PCNT: variants seen among roughly 807,000 people sequenced by gnomAD.
PCNT encodes the protein kendrin.
In PCNT, 319 loss-of-function variants were observed where a neutral mutation model predicts 380.4. The ratio of observed to expected loss-of-function variants is 0.84; its 90% CI spans 0.77 to 0.92. The LOEUF is 0.92. Ranked by LOEUF, PCNT falls within the 40% of genes least tolerant of loss-of-function variation. The pLI is 0.00. For missense variants in PCNT, 4,400 were observed against 4,255.3 expected (o/e 1.03, Z -0.95); for synonymous variants, 1,845 against 1,735.2 (o/e 1.06, Z -1.57).
intron 27 of PCNT, among the ~76,000 whole-genome samples, chr21:46,406,136 G>T (rs960778932): frequency 6.6e-6 from 1 of 152,190 alleles, no homozygotes; most frequent in African/African-American, 2.4e-5. Context: ...TTTTACACTT[G>T]TGGGGAAACG....
At chr21:46,428,337 G>A (rs1438291925) in intron 34 of PCNT, 58 bp from the exon 35 acceptor site, 4 of 1,516,774 alleles carry the variant, frequency 2.6e-6, no homozygotes, top group African/African-American at 2.7e-5. Flanking sequence ...CAGCAGGGAA[G>A]GCCGGGGCAT....
chr21:46,324,644 T>G (rs1307179477), intron 1 of PCNT, among the ~76,000 whole-genome samples: 3 of 150,722 alleles, frequency 2.0e-5, no homozygotes, highest in Admixed American at 2.0e-4. Context: ...GGGCGTGGCG[T>G]GGCTGCACGG....
chr21:46,412,093 A>C (rs1339189742), intron 28 of PCNT, 26 bp downstream of exon 28: 1 of 1,598,014 alleles, frequency 6.3e-7, no homozygotes, highest in African/African-American at 1.3e-5. Flanking sequence ...GGGCCATGGC[A>C]GGGTATTTTT....
At chr21:46,360,213 ATTTTTTTTTTTTT>A (rs71318070) in intron 13 of PCNT, among the ~76,000 whole-genome samples, 2 of 82,474 alleles carry the variant, frequency 2.4e-5, no homozygotes, top group African/African-American at 1.0e-4. Context: ...ATAGTTGGCA[ATTTTTTTTTTTTT>A]TTTTTTTTTT....
At position 46,440,148 on chromosome 21, in the gene PCNT, C is replaced by T; in HGVS notation, c.9339C>T (p.Asp3113=). The part of the protein sequence containing the change: ...TAPQSSLRRP[D]PGRLPPAASE... Reference sequence around the variant, plus strand: ...CACAGAGTTCCCTGAGGCGCCCAGACCCCGGCCGGCTTCCACCAGCTGCCA... The same window carrying T: ...CACAGAGTTCCCTGAGGCGCCCAGATCCCGGCCGGCTTCCACCAGCTGCCA... The change falls in exon 42 of 47, where the codon GAC becomes GAT. Residue 3113 remains aspartate (D), a synonymous_variant. Transcript: ENST00000359568. 6.2e-7 allele frequency: 1 copy of T among 1,614,162 alleles called. No individual in the cohort carries two copies. Among genetic ancestry groups the T allele is most frequent in the Non-Finnish European group, 8.5e-7 (1 of 1,180,022 alleles).
At chr21:46,359,204 T>C (rs146108636) in intron 13 of PCNT, among the ~76,000 whole-genome samples, 11,963 of 135,734 alleles carry the variant, frequency 0.088, 845 homozygotes, top group Non-Finnish European at 0.11. Context: ...CTGCCCGCCT[T>C]GGCCTCCCAA....
intron 16 of PCNT, among the ~76,000 whole-genome samples, chr21:46,384,457 C>A (rs547677421): frequency 6.8e-6 from 1 of 146,868 alleles, no homozygotes; most frequent in African/African-American, 2.5e-5. Context: ...AGCGCATTCA[C>A]GGTGTTGTGC....
chr21:46,397,600 A>T (rs1276362632), intron 22 of PCNT, 106 bp downstream of exon 22: 2 of 943,512 alleles, frequency 2.1e-6, no homozygotes, highest in African/African-American at 3.2e-5. Context: ...GATGTTGAAG[A>T]GGGCGCCCCA....
intron 44 of PCNT, among the ~76,000 whole-genome samples, chr21:46,443,412 A>C (rs1428083467): frequency 6.6e-6 from 1 of 152,182 alleles, no homozygotes; most frequent in African/African-American, 2.4e-5. Context: ...ACATTTTAAT[A>C]GTTGCTTCTT....
Position 46,366,761 on chromosome 21 carries a change from G to A in PCNT, c.2787G>A (p.Glu929=), listed in dbSNP as rs756994851. 9 of 1,613,620 alleles carry A rather than the reference G, an allele frequency of 5.6e-6. No individual in the cohort carries two copies. The East Asian group carries it at 2.0e-4, about 36-fold the overall frequency. Residue 929 remains glutamate (E), a synonymous_variant, in exon 15 of 47, where the codon GAG becomes GAA. Transcript: ENST00000359568. ...CCAGACACCAGGCCGCGTTGGGCGA[G>A]CTGACAGCCTCCTTAGAGAGCAAGC... ...LEARHQAALG[E]LTASLESKQG...
chr21:46,381,629 G>A lies in PCNT; in HGVS notation c.3166-65G>A, dbSNP rs760445605. 1.0e-3 allele frequency: 1,546 copies of A among 1,489,720 alleles called. 19 individuals carry two copies. The highest frequency in any genetic ancestry group is 2.1e-4 in the Non-Finnish European group (224 of 1,068,798). The allele number at this position is 1,489,720 out of a possible 1,614,324, so 92.3% of individuals were successfully genotyped here. On this transcript the variant is annotated intron_variant, in intron 15 of 46. Transcript: ENST00000359568. ...ATATCTGCTGAATGTGCTGAATTCC[G>A]GCTAACAGCAAAGAAAGTATTTTTC...
intron 30 of PCNT, among the ~76,000 whole-genome samples, chr21:46,417,603 A>G (rs1474565963): frequency 6.6e-6 from 1 of 152,196 alleles, no homozygotes; most frequent in Non-Finnish European, 1.5e-5. Flanking sequence ...TATCTTGAGT[A>G]AGATAAAATT....
rs2839217 is a variant in PCNT, at chr21:46,346,736, G to A, written c.721-7G>A. 579,460 of 1,591,548 alleles carry A rather than the reference G, an allele frequency of 0.36. 107,725 individuals carry two copies. The highest frequency in any genetic ancestry group is 0.41 in the East Asian group (18,295 of 44,138). On this transcript the variant is annotated splice_polypyrimidine_tract_variant and splice_region_variant and intron_variant, in intron 4 of 46. Coordinates refer to ENST00000359568, the MANE Select transcript of PCNT (RefSeq NM_006031.6). ...GGCCCTTATCAGAGGCCTTTTCTCC[G>A]CCGCAGGCCGTGCATGGCCTTGAGC...
At chr21:46,390,570 G>A (rs201032229) in intron 19 of PCNT, 100 bp from the exon 20 acceptor site, 2 of 1,263,594 alleles carry the variant, frequency 1.6e-6, no homozygotes, top group East Asian at 4.9e-5. Flanking sequence ...GGTGGTGACG[G>A]CCTGAAGGGT....
intron 15 of PCNT, among the ~76,000 whole-genome samples, chr21:46,375,219 C>T (rs147690440): frequency 2.6e-5 from 4 of 152,302 alleles, no homozygotes; most frequent in Non-Finnish European, 4.4e-5. Context: ...AGAAGTGAAT[C>T]GCATGCGGCC....
At chr21:46,347,631 G>A in intron 6 of PCNT, 119 bp downstream of exon 6, 2 of 887,522 alleles carry the variant, frequency 2.3e-6, no homozygotes, top group Non-Finnish European at 3.8e-6. Context: ...GGCTTTATTA[G>A]AATATGCTGG....
At chr21:46,445,233 ATC>A in intron 46 of PCNT, 49 bp from the exon 47 acceptor site, 1 of 1,283,742 alleles carries the variant, frequency 7.8e-7, no homozygotes, top group Non-Finnish European at 1.1e-6. Flanking sequence ...TTTTCAAAAA[ATC>A]TGTGAAGCCT....
intron 2 of PCNT, among the ~76,000 whole-genome samples, chr21:46,332,960 A>G (rs1409666115): frequency 6.6e-6 from 1 of 152,190 alleles, no homozygotes; most frequent in Non-Finnish European, 1.5e-5. Flanking sequence ...AAAAAAATAA[A>G]AAATAAGCTG....
Position 46,432,073 on chromosome 21 carries a change from G to A in PCNT, c.8609G>A (p.Trp2870Ter). The A allele has an allele frequency of 1.2e-6, 2 of 1,614,114 alleles. No individual in the cohort carries two copies. The highest frequency in any genetic ancestry group is 1.7e-6 in the Non-Finnish European group (2 of 1,180,050). ...SLEREREKPA[W>*]LQAELEQSHP... is the part of the protein sequence containing the mutation. ...GAGAGAGAGAGGGAGAAACCAGCGTGGTTGCAGGCAGAATTAGAGCAGTCA... is the reference window on the plus strand; with the variant it reads ...GAGAGAGAGAGGGAGAAACCAGCGTAGTTGCAGGCAGAATTAGAGCAGTCA... The change falls in exon 38 of 47, where the codon TGG becomes TAG. Residue 2870 changes from tryptophan to a stop codon, truncating the protein, a stop_gained. Coordinates refer to ENST00000359568, the MANE Select transcript of PCNT (RefSeq NM_006031.6). LOFTEE classifies it high-confidence loss of function.
Sources: gnomAD v4.1 joint callset for allele counts (sites outside exome capture counted in the v4.1 genomes callset) on GRCh38, gnomAD v4.1.1 for gene constraint, MANE v1.5 for transcripts, NCBI Gene and HGNC (gene_info 2026-07-23, HGNC 2026-07-21) for gene names.